The following SEMA5A variants were observed in gnomAD, a reference collection of about 807,000 sequenced individuals.
The protein encoded by SEMA5A is semaphorin 5A, also known as semaphorin-5A.
Under a neutral mutation model 135.5 loss-of-function variants are expected in SEMA5A, and 55 were observed. The observed-to-expected ratio is 0.41, with a 90% CI of 0.33 to 0.51. The LOEUF is 0.51. Ranked by LOEUF, SEMA5A falls within the 20% of genes least tolerant of loss-of-function variation. The pLI is 0.37. For synonymous variants in SEMA5A, 580 were observed against 546.5 expected (o/e 1.06, Z -0.85); for missense variants, 1,290 against 1,419.9 (o/e 0.91, Z 1.47).
At chr5:9,139,407 T>C (rs1741941971) in intron 12 of SEMA5A, among the ~76,000 whole-genome samples, 1 of 152,206 alleles carries the variant, frequency 6.6e-6, no homozygotes, top group Non-Finnish European at 1.5e-5. Flanking sequence ...TGTTACCATA[T>C]TTTTTAACTC....
intron 3 of SEMA5A, among the ~76,000 whole-genome samples, chr5:9,378,264 A>G (rs1008715830): frequency 2.2e-4 from 34 of 152,190 alleles, no homozygotes; most frequent in Admixed American, 1.3e-3. Context: ...CCTTTCCTGC[A>G]TAAGGTGTAC....
chr5:9,100,289 G>A (rs530819967), intron 16 of SEMA5A, among the ~76,000 whole-genome samples: 8 of 150,382 alleles, frequency 5.3e-5, no homozygotes, highest in East Asian at 4.0e-4. Context: ...TTTTGGGGCC[G>A]CACAGCCCCT....
rs1805990 is a variant in SEMA5A at position 9,252,619 on chromosome 5, A to G, written c.271-14729T>C. On this transcript the variant is annotated intron_variant, in intron 5 of 22. Transcript: ENST00000382496. ...AACTATCCCATGGAGACATTATGCAAACTGGTAAGCATGGAGGTCATCAAG... is the reference window on the plus strand; with the variant it reads ...AACTATCCCATGGAGACATTATGCAGACTGGTAAGCATGGAGGTCATCAAG... Among the ~76,000 whole-genome samples the G allele has an allele frequency of 9.8e-3, 1,500 of 152,298 alleles. 27 individuals carry two copies. The highest frequency in any genetic ancestry group is 0.035 in the African/African-American group (1,445 of 41,550).
chr5:9,253,305 T>A (rs1748898140), intron 5 of SEMA5A, among the ~76,000 whole-genome samples: 2 of 152,186 alleles, frequency 1.3e-5, no homozygotes, highest in Admixed American at 1.3e-4. Flanking sequence ...CTTCCATACA[T>A]GTCTATATAA....
At chr5:9,368,892 T>C (rs1381346011) in intron 3 of SEMA5A, among the ~76,000 whole-genome samples, 3 of 152,216 alleles carry the variant, frequency 2.0e-5, no homozygotes, top group African/African-American at 7.2e-5. Context: ...CAATATTATG[T>C]TACTGTTGGG....
At chr5:9,207,851 T>C (rs1233061145) in intron 8 of SEMA5A, among the ~76,000 whole-genome samples, 1 of 145,990 alleles carries the variant, frequency 6.8e-6, no homozygotes, top group Admixed American at 6.9e-5. Context: ...AGACAGATGA[T>C]GATAGATAGA....
intron 12 of SEMA5A, among the ~76,000 whole-genome samples, chr5:9,148,650 A>G (rs1055707790): frequency 1.3e-5 from 2 of 152,168 alleles, no homozygotes; most frequent in African/African-American, 2.4e-5. Flanking sequence ...GCCAGGCTAC[A>G]GCATGGAACG....
At chr5:9,300,627 T>C (rs1751569818) in intron 5 of SEMA5A, among the ~76,000 whole-genome samples, 1 of 152,192 alleles carries the variant, frequency 6.6e-6, no homozygotes, top group East Asian at 1.9e-4. Context: ...CATATATCTA[T>C]TTGGAACCTG....
intron 3 of SEMA5A, among the ~76,000 whole-genome samples, chr5:9,366,503 G>A (rs543955296): frequency 6.6e-6 from 1 of 151,634 alleles, no homozygotes; most frequent in Non-Finnish European, 1.5e-5. Context: ...ATTCTCCTGC[G>A]TCAGCTTCCC....
chr5:9,148,418 C>T (rs569777376), intron 12 of SEMA5A, among the ~76,000 whole-genome samples: 1 of 152,200 alleles, frequency 6.6e-6, no homozygotes, highest in South Asian at 2.1e-4. Flanking sequence ...GGCCACAGGG[C>T]AAGGCTTACT....
chr5:9,386,024 A>C (rs981183322), intron 2 of SEMA5A, among the ~76,000 whole-genome samples: 3 of 151,514 alleles, frequency 2.0e-5, no homozygotes, highest in South Asian at 4.2e-4. Flanking sequence ...CTAGTCTTGA[A>C]CTCATGACCT....
At chr5:9,499,246 A>AT (rs911597352) in intron 1 of SEMA5A, among the ~76,000 whole-genome samples, 1 of 152,194 alleles carries the variant, frequency 6.6e-6, no homozygotes, top group Non-Finnish European at 1.5e-5. Flanking sequence ...TTGAAAAACA[A>AT]TTTTTTAAGG....
intron 4 of SEMA5A, among the ~76,000 whole-genome samples, chr5:9,324,087 G>C (rs1326362894): frequency 7.3e-6 from 1 of 136,900 alleles, no homozygotes; most frequent in Non-Finnish European, 1.5e-5. Flanking sequence ...TTTTTTTTTT[G>C]AGATGGAGTC....
rs566364587 is a variant in SEMA5A, at chr5:9,192,189, C to T, written c.1069-1718G>A. 2.0e-5 allele frequency among the ~76,000 whole-genome samples: 3 copies of T among 152,382 alleles called. No homozygotes were observed. In the East Asian group the frequency reaches 5.8e-4, roughly 29 times the overall value. On this transcript the variant is annotated intron_variant, in intron 10 of 22. Coordinates refer to ENST00000382496, the MANE Select transcript of SEMA5A (RefSeq NM_003966.3). ...CCCAAGTGCTACTCTGGCTCCGTGG[C>T]TCTCAAGCCACATGGAATCAGGTGA...
At chr5:9,114,104 A>C (rs756925445) in intron 15 of SEMA5A, among the ~76,000 whole-genome samples, 10 of 152,240 alleles carry the variant, frequency 6.6e-5, no homozygotes, top group Non-Finnish European at 1.5e-4. Context: ...CATACAACTG[A>C]ATCTTATTCA....
At chr5:9,481,087 A>G (rs1284506354) in intron 1 of SEMA5A, among the ~76,000 whole-genome samples, 1 of 152,102 alleles carries the variant, frequency 6.6e-6, no homozygotes, top group Non-Finnish European at 1.5e-5. Context: ...CGGGGATTAC[A>G]GGTGCATAAC....
At chr5:9,376,893 G>A (rs963488742) in intron 3 of SEMA5A, among the ~76,000 whole-genome samples, 1 of 152,066 alleles carries the variant, frequency 6.6e-6, no homozygotes, top group African/African-American at 2.4e-5. Flanking sequence ...TTTACAAAAC[G>A]ACATATGCAT....
intron 5 of SEMA5A, among the ~76,000 whole-genome samples, chr5:9,289,017 G>A (rs1750938452): frequency 6.6e-6 from 1 of 152,164 alleles, no homozygotes; most frequent in South Asian, 2.1e-4. Context: ...GATGGTTTAA[G>A]CCTATTAGAG....
At chr5:9,415,184 A>C (rs988594104) in intron 2 of SEMA5A, among the ~76,000 whole-genome samples, 1 of 152,216 alleles carries the variant, frequency 6.6e-6, no homozygotes, top group Non-Finnish European at 1.5e-5. Context: ...TAGTTATTTT[A>C]AGATGCAGCT....
Sources: allele counts gnomAD v4.1 joint callset (sites outside exome capture counted in the v4.1 genomes callset), GRCh38; gene constraint gnomAD v4.1.1; transcripts MANE v1.5; gene names NCBI Gene and HGNC (gene_info 2026-07-23, HGNC 2026-07-21).